Variants in PPFIA3 observed in about 807,000 individuals in gnomAD.
PPFIA3 encodes the protein PPFI scaffold protein A3, also known as liprin-alpha-3.
In PPFIA3, 26 loss-of-function variants were observed where a neutral mutation model predicts 145.8. That is an observed-to-expected ratio of 0.18 (90% CI 0.13 to 0.25). The LOEUF (loss-of-function observed/expected upper bound fraction) is 0.25. PPFIA3 is among the 10% of genes least tolerant of loss of function. The pLI, the probability that PPFIA3 is intolerant of heterozygous loss-of-function variation, is 1.00. For synonymous variants in PPFIA3, 645 were observed against 661.4 expected (o/e 0.98, Z 0.38); for missense variants, 1,008 against 1,587.8 (o/e 0.63, Z 6.21).
rs776616642 is a variant in PPFIA3, at chr19:49,134,629, G to A, written c.1378-10G>A. 30 of 1,613,246 alleles carry A rather than the reference G, an allele frequency of 1.9e-5. No individual in the cohort carries two copies. Among genetic ancestry groups the A allele is most frequent in the Admixed American group, 1.7e-4 (10 of 60,000 alleles). On this transcript the variant is annotated splice_polypyrimidine_tract_variant and intron_variant, in intron 11 of 29. Transcript: ENST00000334186. The stretch of plus-strand genomic sequence containing the variant: ...GGCCTCACTCCCTCACTTCACCTCT[G>A]TCTCCACAGAACTCCCTGAGCGAGG...
At chr19:49,143,339 A>T (rs949301869) in intron 21 of PPFIA3, among the ~76,000 whole-genome samples, 1 of 152,016 alleles carries the variant, frequency 6.6e-6, no homozygotes, top group Non-Finnish European at 1.5e-5. Flanking sequence ...AATTTTCCCC[A>T]TAGCATTTAT....
intron 7 of PPFIA3, among the ~76,000 whole-genome samples, chr19:49,131,165 C>CTT (rs74182040): frequency 1.2e-3 from 124 of 102,080 alleles, no homozygotes; most frequent in East Asian, 3.0e-3. Flanking sequence ...CACCCAGCCT[C>CTT]TTTTTTTTTT....
Position 49,150,248 on chromosome 19 carries a change from G to A in PPFIA3, c.*26G>A. 2 of 1,124,738 alleles carry A rather than the reference G, an allele frequency of 1.8e-6. No individual in the cohort carries two copies. Among genetic ancestry groups the A allele is most frequent in the Non-Finnish European group, 2.5e-6 (2 of 787,672 alleles). 69.7% of individuals were successfully genotyped at this position (1,124,738 alleles called of 1,614,324 possible). Reference sequence around the variant, plus strand: ...CGGCGTCATGCAGGTGACCTCACTCGGACGGAAGAATCTTCCCGAGGCTGG... The same window carrying A: ...CGGCGTCATGCAGGTGACCTCACTCAGACGGAAGAATCTTCCCGAGGCTGG... On this transcript the variant is annotated 3_prime_UTR_variant, in exon 30 of 30. Coordinates refer to ENST00000334186, the MANE Select transcript of PPFIA3 (RefSeq NM_003660.4).
chr19:49,134,981 C>A, intron 13 of PPFIA3, 66 bp downstream of exon 13: 1 of 1,356,516 alleles, frequency 7.4e-7, no homozygotes, highest in East Asian at 2.4e-5. Flanking sequence ...AAGCTCCTCC[C>A]TTCTGATCCC....
At chr19:49,136,680 G>A (rs150126013) in intron 14 of PPFIA3, 44 bp from the exon 15 acceptor site, 17 of 1,340,562 alleles carry the variant, frequency 1.3e-5, no homozygotes, top group African/African-American at 7.3e-5. Context: ...CGCCAACCTC[G>A]GCCCCCAGCC....
intron 21 of PPFIA3, among the ~76,000 whole-genome samples, chr19:49,143,872 T>A (rs923792988): frequency 3.9e-5 from 6 of 152,144 alleles, no homozygotes; most frequent in Admixed American, 3.9e-4. Context: ...TTTAAAAAGT[T>A]TTTTTTGAAT....
intron 19 of PPFIA3, 92 bp downstream of exon 19, chr19:49,141,605 TGTGTGTGTGTGAGAGGGTGTGTGA>T (rs2041224338): frequency 1.0e-6 from 1 of 973,230 alleles, no homozygotes; most frequent in South Asian, 1.6e-5. Context: ...TGTATGAGTG[TGTGTGTGTGTGAGAGGGTGTGTGA>T]GTGTGTGTGT....
intron 15 of PPFIA3, 77 bp from the exon 16 acceptor site, chr19:49,138,128 G>GC: frequency 6.9e-7 from 1 of 1,446,544 alleles, no homozygotes; most frequent in Non-Finnish European, 9.2e-7. Flanking sequence ...GGCCTTTCTG[G>GC]CCCATTGTGC....
intron 1 of PPFIA3, among the ~76,000 whole-genome samples, chr19:49,125,671 A>G (rs1306618287): frequency 1.3e-5 from 2 of 152,132 alleles, no homozygotes; most frequent in Non-Finnish European, 2.9e-5. Flanking sequence ...AGGAGCCTGA[A>G]GCCTGGGACT....
Position 49,141,301 on chromosome 19 carries a change from C to T in PPFIA3, c.2369-119C>T, listed in dbSNP as rs2122618443. On this transcript the variant is annotated intron_variant, in intron 18 of 29. Coordinates refer to ENST00000334186, the MANE Select transcript of PPFIA3 (RefSeq NM_003660.4). ...TGCCTTTATCACTTCCTCGATGTGC[C>T]CTCACTCACTACTCCCTCAGGGCCT... 8.7e-6 allele frequency: 6 copies of T among 686,796 alleles called. No individual in the cohort carries two copies. In the South Asian group the frequency reaches 1.1e-4, roughly 12 times the overall value. 42.5% of individuals were successfully genotyped at this position (686,796 alleles called of 1,614,324 possible). A position where few individuals can be genotyped will look rare whatever the true frequency, so the allele number is the denominator to read the frequency against.
At position 49,130,036 on chromosome 19, in the gene PPFIA3, T is replaced by G; in HGVS notation, c.626T>G (p.Leu209Arg). The change falls in exon 6 of 30, where the codon CTG (leucine) becomes CGG (arginine). Residue 209 changes from leucine (L) to arginine (R), a missense_variant. By Grantham distance (102) the Leu-to-Arg change is moderately radical. Coordinates refer to ENST00000334186, the MANE Select transcript of PPFIA3 (RefSeq NM_003660.4). The surrounding 1 kb of genome is among the most constrained non-coding windows in gnomAD (Gnocchi z 4.5). Reference sequence around the variant, plus strand: ...CAGCTGTCTAGGCGGCGGTCAGGGCTGGAAGAGCCGGGCAAGGATGGGGAT... The same window carrying G: ...CAGCTGTCTAGGCGGCGGTCAGGGCGGGAAGAGCCGGGCAAGGATGGGGAT... ...REQLSRRRSG[L>R]EEPGKDGDGQ... 1 of 1,613,206 alleles carries G rather than the reference T, an allele frequency of 6.2e-7. No homozygotes were observed. Among genetic ancestry groups the G allele is most frequent in the East Asian group, 2.2e-5 (1 of 44,872 alleles).
rs373805303 is a variant in PPFIA3, at chr19:49,130,862, A to AT, written c.879+273dup. Among the ~76,000 whole-genome samples the AT allele has an allele frequency of 0.019, 2,899 of 149,384 alleles. 65 individuals carry two copies. The highest frequency in any genetic ancestry group is 0.047 in the African/African-American group (1,927 of 40,690). On this transcript the variant is annotated intron_variant, in intron 7 of 29. Coordinates refer to ENST00000334186, the MANE Select transcript of PPFIA3 (RefSeq NM_003660.4). This position sits in a 1 kb window ranked among gnomAD's most constrained non-coding sequence, Gnocchi z 4.5. The stretch of plus-strand genomic sequence containing the variant: ...GTTCTTCTCTGGTGCCTCTAAATGG[A>AT]TTTTTTTTTTCTTTTGTGAGGCAGA...
rs991839594 is a variant in PPFIA3 at position 49,133,716 on chromosome 19, C to G, written c.1162-80C>G. 3 of 1,455,332 alleles carry G rather than the reference C, an allele frequency of 2.1e-6. No homozygotes were observed. Among genetic ancestry groups the G allele is most frequent in the Non-Finnish European group, 2.9e-6 (3 of 1,049,250 alleles). 90.2% of individuals were successfully genotyped at this position (1,455,332 alleles called of 1,614,324 possible). On this transcript the variant is annotated intron_variant, in intron 9 of 29. Coordinates refer to ENST00000334186, the MANE Select transcript of PPFIA3 (RefSeq NM_003660.4). This position sits in a 1 kb window ranked among gnomAD's most constrained non-coding sequence, Gnocchi z 7.2. Reference sequence around the variant, plus strand: ...GGCGCTGTGGGGGCGGAGCCTGGCGCTCAGCCTTGGAGGAGGTGGGGCTGG... The same window carrying G: ...GGCGCTGTGGGGGCGGAGCCTGGCGGTCAGCCTTGGAGGAGGTGGGGCTGG...
intron 16 of PPFIA3, among the ~76,000 whole-genome samples, chr19:49,139,049 CAA>C (rs2041176892): frequency 6.6e-6 from 1 of 151,920 alleles, no homozygotes; most frequent in African/African-American, 2.4e-5. Context: ...TTGAGGGAGA[CAA>C]AGAGATATTG....
intron 14 of PPFIA3, 71 bp downstream of exon 14, chr19:49,135,994 C>G (rs1011748867): frequency 7.0e-7 from 1 of 1,424,218 alleles, no homozygotes; most frequent in African/African-American, 1.4e-5. Flanking sequence ...GGAACTAAAT[C>G]TGTGGGGCTC....
chr19:49,121,512 C>T (rs1200179082), intron 1 of PPFIA3, among the ~76,000 whole-genome samples: 6 of 152,104 alleles, frequency 3.9e-5, no homozygotes, highest in Admixed American at 3.9e-4. Flanking sequence ...CGCGGTGGCT[C>T]ATGCCGGTAA....
At chr19:49,137,660 T>TAAAAAAAAAAAAAAA (rs1325560140) in intron 15 of PPFIA3, among the ~76,000 whole-genome samples, 14 of 57,454 alleles carry the variant, frequency 2.4e-4, no homozygotes, top group Non-Finnish European at 3.6e-4. Flanking sequence ...AAAAAAAAAG[T>TAAAAAAAAAAAAAAA]CCCCAACTTA....
chr19:49,149,473 G>A lies in PPFIA3; in HGVS notation c.3355-74G>A, dbSNP rs1468643366. The A allele has an allele frequency of 2.4e-5, 38 of 1,595,432 alleles. No homozygotes were observed. The highest frequency in any genetic ancestry group is 2.6e-6 in the Non-Finnish European group (3 of 1,165,332). On this transcript the variant is annotated intron_variant, in intron 27 of 29. Transcript: ENST00000334186. The surrounding 1 kb of genome is among the most constrained non-coding windows in gnomAD (Gnocchi z 5.7). ...TAAAGGAGAGGTGAGACCCGGAGAG[G>A]GGTGGAGTCAAAGGAAGGGGCGGAG... is the stretch of plus-strand genomic sequence containing the variant.
chr19:49,140,748 A>C (rs763841430), intron 18 of PPFIA3, among the ~76,000 whole-genome samples: 33 of 129,430 alleles, frequency 2.5e-4, no homozygotes, highest in Admixed American at 5.7e-4. Context: ...TCCGCCTCCC[A>C]GGTTCATGCC....
Sources: gnomAD v4.1 joint callset for allele counts (sites outside exome capture counted in the v4.1 genomes callset) on GRCh38, gnomAD v4.1.1 for gene constraint, Gnocchi (gnomAD v3.1) non-coding constraint, MANE v1.5 for transcripts, NCBI Gene and HGNC (gene_info 2026-07-23, HGNC 2026-07-21) for gene names.